Variants in ZNF236 observed in about 807,000 individuals in gnomAD.
ZNF236 encodes regulated by glucose.
A neutral mutation model predicts 191.2 loss-of-function variants in ZNF236; 50 were observed. That is an observed-to-expected ratio of 0.26 (90% CI 0.21 to 0.33). The LOEUF is 0.33. Ranked by LOEUF, ZNF236 falls within the 10% of genes least tolerant of loss-of-function variation. ZNF236 has a pLI of 1.00. For missense variants in ZNF236, 1,754 were observed against 2,374.5 expected, an observed-to-expected ratio of 0.74 and a Z score of 5.43; for synonymous variants, 907 against 928.8, an observed-to-expected ratio of 0.98 and a Z score of 0.43.
At chr18:76,872,254 G>A (rs1444749131) in intron 5 of ZNF236, among the ~76,000 whole-genome samples, 1 of 152,194 alleles carries the variant, frequency 6.6e-6, no homozygotes, top group Non-Finnish European at 1.5e-5. Flanking sequence ...GCTGAGGTGA[G>A]GGGATCTCTT....
At position 76,908,322 on chromosome 18, in the gene ZNF236, A is replaced by G. The variant is rs1427343772; in HGVS notation, c.2300A>G (p.Tyr767Cys). ...AACTGTTGTTAATTTTTCTGAAGAT[A>G]TGAGCTTGCCCAGCAGCTCCAACAG... ...NCKKHMKTHR[Y>C]ELAQQLQQHQ... The change falls in exon 14 of 31, where the codon TAT (tyrosine) becomes TGT (cysteine). Residue 767 changes from tyrosine to cysteine, a missense_variant and splice_region_variant. Physicochemically the swap from Tyr to Cys is radical, Grantham distance 194. This residue lies in a region of ZNF236 where 641 missense variants were observed against 869.6 expected (regional missense o/e 0.74). Transcript: ENST00000320610. 6.2e-7 allele frequency: 1 copy of G among 1,612,156 alleles called. No homozygotes were observed. Among genetic ancestry groups the G allele is most frequent in the Non-Finnish European group, 8.5e-7 (1 of 1,178,458 alleles).
intron 27 of ZNF236, among the ~76,000 whole-genome samples, chr18:76,952,757 A>G (rs933731206): frequency 1.3e-5 from 2 of 152,222 alleles, no homozygotes; most frequent in African/African-American, 4.8e-5. Context: ...GCTGTGAGCT[A>G]TGATCACCAC....
chr18:76,828,253 G>A (rs1398627355), intron 1 of ZNF236, among the ~76,000 whole-genome samples: 3 of 150,962 alleles, frequency 2.0e-5, no homozygotes, highest in African/African-American at 7.3e-5. Flanking sequence ...TGCAACCTCC[G>A]CCTCCCAGGT....
rs536549313 is a variant in ZNF236 at position 76,972,085 on chromosome 18, C to T, written c.*3746C>T. Among the ~76,000 whole-genome samples, 1 of 152,208 alleles carries T rather than the reference C, an allele frequency of 6.6e-6. No homozygotes were observed. The highest frequency in any genetic ancestry group is 1.5e-5 in the Non-Finnish European group (1 of 68,032). Reference sequence around the variant, plus strand: ...TTTTGTGTCACTTAATCTGTGTTCACGTAACTTAGGCACTTTGGATTTTTT... The same window carrying T: ...TTTTGTGTCACTTAATCTGTGTTCATGTAACTTAGGCACTTTGGATTTTTT... On this transcript the variant is annotated 3_prime_UTR_variant, in exon 31 of 31. Transcript: ENST00000320610.
chr18:76,898,495 A>G (rs979305363), intron 10 of ZNF236, among the ~76,000 whole-genome samples: 12 of 152,248 alleles, frequency 7.9e-5, no homozygotes, highest in Non-Finnish European at 1.6e-4. Context: ...ACAAGGAAAT[A>G]TTCTTTAGAA....
intron 20 of ZNF236, among the ~76,000 whole-genome samples, chr18:76,921,913 A>G (rs887883646): frequency 1.3e-5 from 2 of 151,862 alleles, no homozygotes; most frequent in Non-Finnish European, 2.9e-5. Context: ...ACTCCCAGTG[A>G]GTAAGTGTGA....
chr18:76,878,760 G>A (rs1400365358), intron 7 of ZNF236, among the ~76,000 whole-genome samples: 2 of 152,010 alleles, frequency 1.3e-5, no homozygotes, highest in Non-Finnish European at 2.9e-5. Context: ...ATCAACTATA[G>A]GTATCTTAAT....
intron 9 of ZNF236, among the ~76,000 whole-genome samples, chr18:76,882,642 A>G (rs375140277): frequency 1.2e-4 from 18 of 152,340 alleles, no homozygotes; most frequent in East Asian, 1.2e-3. Flanking sequence ...CTTCTTTCCT[A>G]GAATACATTT....
rs527738300 is a variant in ZNF236, at chr18:76,887,722, A to G, written c.1417+6210A>G. Reference sequence around the variant, plus strand: ...ATGGCTACAGGCAAGAGAGACATGTACAGGGCAACTGCCCTTTATAAAACC... The same window carrying G: ...ATGGCTACAGGCAAGAGAGACATGTGCAGGGCAACTGCCCTTTATAAAACC... On this transcript the variant is annotated intron_variant, in intron 9 of 30. Coordinates refer to ENST00000320610, the MANE Select transcript of ZNF236 (RefSeq NM_001306089.2). Among the ~76,000 whole-genome samples, 10 of 152,338 alleles carry G rather than the reference A, an allele frequency of 6.6e-5. No homozygotes were observed. In the South Asian group the frequency reaches 2.1e-3, roughly 32 times the overall value.
At chr18:76,834,416 A>G (rs1245920298) in intron 1 of ZNF236, 1 of 186,550 alleles carries the variant, frequency 5.4e-6, no homozygotes, top group East Asian at 1.4e-4. Context: ...GAAAGCTTGT[A>G]TATAAGATTA....
At chr18:76,910,397 C>T (rs1029862384) in intron 15 of ZNF236, among the ~76,000 whole-genome samples, 15 of 152,040 alleles carry the variant, frequency 9.9e-5, no homozygotes, top group Admixed American at 2.6e-4. Context: ...ACGTAGTTTC[C>T]AGTCAAGAAA....
rs1968510539 is a variant in ZNF236, at chr18:76,955,875, G to C, written c.4915-110G>C. ...ATGATAGGACATGCAGTGTGGGCTT[G>C]GCGTGTCCGTGCTAGGAATGTCCCT... On this transcript the variant is annotated intron_variant, in intron 27 of 30. Coordinates refer to ENST00000320610, the MANE Select transcript of ZNF236 (RefSeq NM_001306089.2). The C allele has an allele frequency of 4.9e-6, 6 of 1,218,326 alleles. No homozygotes were observed. The East Asian group carries it at 1.5e-4, about 31-fold the overall frequency. The allele number at this position is 1,218,326 out of a possible 1,614,324, so 75.5% of individuals were successfully genotyped here.
At chr18:76,822,800 C>A (rs1029139972) in intron 1 of ZNF236, 138 bp downstream of exon 1, 1 of 145,566 alleles carries the variant, frequency 6.9e-6, no homozygotes, top group African/African-American at 2.5e-5. Context: ...GGGCCGCCGC[C>A]GCCGCCGACT....
intron 10 of ZNF236, 69 bp from the exon 11 acceptor site, chr18:76,898,950 T>A: frequency 7.6e-7 from 1 of 1,309,500 alleles, no homozygotes; most frequent in Non-Finnish European, 1.1e-6. Flanking sequence ...AATAACATTT[T>A]ATGTTAGCAT....
chr18:76,913,052 G>A lies in ZNF236; in HGVS notation c.2910-695G>A, dbSNP rs538144056. Among the ~76,000 whole-genome samples, 8 of 152,370 alleles carry A rather than the reference G, an allele frequency of 5.3e-5. No individual in the cohort carries two copies. The South Asian group carries it at 1.7e-3, about 32-fold the overall frequency. ...TTAGTTGCCTCTACGTGGGCACCCA[G>A]TCTTGACTTAGGTTATAGTGTAGGG... On this transcript the variant is annotated intron_variant, in intron 17 of 30. Transcript: ENST00000320610.
chr18:76,933,311 A>G (rs1160383993), intron 25 of ZNF236, among the ~76,000 whole-genome samples: 1 of 152,118 alleles, frequency 6.6e-6, no homozygotes, highest in Non-Finnish European at 1.5e-5. Flanking sequence ...TCCATTAAAA[A>G]TACAACAAAT....
chr18:76,838,932 A>T (rs553397972), intron 1 of ZNF236, among the ~76,000 whole-genome samples: 1 of 152,222 alleles, frequency 6.6e-6, no homozygotes, highest in Non-Finnish European at 1.5e-5. Context: ...ATTTCTAACA[A>T]CGTAGGTTAG....
chr18:76,854,584 C>CA (rs11381479), intron 3 of ZNF236, among the ~76,000 whole-genome samples: 102,266 of 143,522 alleles, frequency 0.71, 36,313 homozygotes, highest in African/African-American at 0.86. Context: ...ACTGTCACTA[C>CA]AAAAAAAAAA....
At chr18:76,871,854 G>A in intron 5 of ZNF236, 29 bp downstream of exon 5, 1 of 1,613,044 alleles carries the variant, frequency 6.2e-7, no homozygotes, top group Non-Finnish European at 8.5e-7. Context: ...CTGGATGACT[G>A]ACCGTGTGGC....
Sources: gnomAD v4.1 joint callset for allele counts (sites outside exome capture counted in the v4.1 genomes callset) on GRCh38, gnomAD v4.1.1 for gene constraint, gnomAD v4.1.1 regional missense constraint, MANE v1.5 for transcripts, NCBI Gene and HGNC (gene_info 2026-07-23, HGNC 2026-07-21) for gene names.